CEP70: variants seen among roughly 807,000 people sequenced by gnomAD.
CEP70 encodes the protein centrosomal protein 70.
Under a neutral mutation model 90.9 loss-of-function variants are expected in CEP70, and 70 were observed. The ratio of observed to expected loss-of-function variants is 0.77; its 90% CI spans 0.64 to 0.94. CEP70 has a LOEUF of 0.94. Among genes scored for constraint, CEP70 ranks in the 40% least tolerant of loss-of-function variants. The pLI, the probability that CEP70 is intolerant of heterozygous loss-of-function variation, is 0.00. For synonymous variants in CEP70, 220 were observed against 228.3 expected (o/e 0.96, Z 0.33); for missense variants, 648 against 669.0 (o/e 0.97, Z 0.35).
intron 12 of CEP70, among the ~76,000 whole-genome samples, chr3:138,506,417 T>C (rs146439170): frequency 6.6e-6 from 1 of 152,176 alleles, no homozygotes; most frequent in Non-Finnish European, 1.5e-5. Context: ...TATTTGACTA[T>C]AACCCTCTCC....
chr3:138,543,546 A>G (rs528944297), intron 6 of CEP70, among the ~76,000 whole-genome samples: 1 of 152,342 alleles, frequency 6.6e-6, no homozygotes, highest in East Asian at 1.9e-4. Context: ...CCAAGTCCCA[A>G]GCTGTGGCTG....
In CEP70 at chr3:138,525,019, G is replaced by A. The variant is rs1000384523; in HGVS notation, c.944+471C>T. Among the ~76,000 whole-genome samples, 134 of 152,210 alleles carry A rather than the reference G, an allele frequency of 8.8e-4. 1 individual carries two copies. Among genetic ancestry groups the A allele is most frequent in the African/African-American group, 3.1e-3 (129 of 41,538 alleles). ...GCAAAGACTTAGAACCAACCCAAAT[G>A]TCCAACAATGATAGACTGGATTAAG... On this transcript the variant is annotated intron_variant, in intron 11 of 17. Coordinates refer to ENST00000264982, the MANE Select transcript of CEP70 (RefSeq NM_024491.4).
At chr3:138,509,777 C>T (rs1397973320) in intron 11 of CEP70, among the ~76,000 whole-genome samples, 2 of 152,026 alleles carry the variant, frequency 1.3e-5, no homozygotes, top group Non-Finnish European at 2.9e-5. Context: ...TGTGATTCAT[C>T]CCTTTGTCCA....
chr3:138,547,925 TTGAC>T (rs1186761439), intron 6 of CEP70, among the ~76,000 whole-genome samples: 1 of 152,166 alleles, frequency 6.6e-6, no homozygotes, highest in African/African-American at 2.4e-5. Context: ...TGAACTGCAA[TTGAC>T]TGACCACAGG....
At chr3:138,548,633 A>T (rs568748782) in intron 6 of CEP70, among the ~76,000 whole-genome samples, 9 of 152,356 alleles carry the variant, frequency 5.9e-5, no homozygotes, top group Admixed American at 5.2e-4. Flanking sequence ...ATAAGGAAAC[A>T]AGACACCATG....
At chr3:138,550,351 T>C (rs982816268) in intron 6 of CEP70, among the ~76,000 whole-genome samples, 3 of 152,148 alleles carry the variant, frequency 2.0e-5, no homozygotes, top group Admixed American at 6.6e-5. Context: ...AGTGAAAAGA[T>C]TGCATACATT....
rs200041935 is a variant in CEP70 at position 138,497,928 on chromosome 3, C to G, written c.1732+103G>C. 573 of 1,532,212 alleles carry G rather than the reference C, an allele frequency of 3.7e-4. 5 individuals are homozygous for G. The East Asian group carries it at 0.011, about 30-fold the overall frequency. The allele number at this position is 1,532,212 out of a possible 1,614,324, so 94.9% of individuals were successfully genotyped here. ...TTCCAGAACTGTTAGTGGTTTCCAA[C>G]CACTAGGTAAAAATACTAATCCAGT... On this transcript the variant is annotated intron_variant, in intron 17 of 17. Transcript: ENST00000264982.
intron 1 of CEP70, among the ~76,000 whole-genome samples, chr3:138,593,233 A>G (rs890786391): frequency 6.6e-6 from 1 of 152,016 alleles, no homozygotes; most frequent in Admixed American, 6.6e-5. Context: ...TATTATACAT[A>G]TATTTTTGAG....
chr3:138,545,830 T>A (rs1434167280), intron 6 of CEP70, among the ~76,000 whole-genome samples: 1 of 152,206 alleles, frequency 6.6e-6, no homozygotes, highest in Non-Finnish European at 1.5e-5. Context: ...TCAGGCTTAC[T>A]AGGATTGGGA....
Position 138,554,918 on chromosome 3 carries a change from T to C in CEP70, c.465+15400A>G, listed in dbSNP as rs1021787503. Among the ~76,000 whole-genome samples the C allele has an allele frequency of 5.3e-5, 8 of 152,110 alleles. No homozygotes were observed. The East Asian group carries it at 1.5e-3, about 29-fold the overall frequency. ...GTGCTGGGATAATTGGCACGCCACA[T>C]GTAGAAGAATGAAACTTGATCCTCA... On this transcript the variant is annotated intron_variant, in intron 6 of 17. Coordinates refer to ENST00000264982, the MANE Select transcript of CEP70 (RefSeq NM_024491.4).
intron 10 of CEP70, among the ~76,000 whole-genome samples, chr3:138,526,610 T>C (rs1673010614): frequency 6.6e-6 from 1 of 152,220 alleles, no homozygotes; most frequent in Non-Finnish European, 1.5e-5. Flanking sequence ...ACTGTCAACA[T>C]AGAGAGTGTC....
At chr3:138,533,758 A>G (rs766045256) in intron 7 of CEP70, among the ~76,000 whole-genome samples, 2 of 151,878 alleles carry the variant, frequency 1.3e-5, no homozygotes, top group African/African-American at 2.4e-5. Flanking sequence ...ACACTTTCAT[A>G]TTGTTTGAAT....
At chr3:138,533,284 A>AG (rs2037982764) in intron 7 of CEP70, among the ~76,000 whole-genome samples, 3 of 151,880 alleles carry the variant, frequency 2.0e-5, no homozygotes, top group African/African-American at 7.2e-5. Context: ...CATCTCAAAA[A>AG]GAAAAAAAAA....
At chr3:138,574,079 G>A (rs556976071) in intron 2 of CEP70, among the ~76,000 whole-genome samples, 34 of 152,238 alleles carry the variant, frequency 2.2e-4, no homozygotes, top group East Asian at 3.9e-4. Context: ...GGTTCATCTC[G>A]TTGGGACTGG....
chr3:138,538,817 A>G (rs964963285), intron 6 of CEP70, among the ~76,000 whole-genome samples: 2 of 152,100 alleles, frequency 1.3e-5, no homozygotes, highest in Non-Finnish European at 2.9e-5. Flanking sequence ...CACATCTACT[A>G]AAGTTTTTTA....
At chr3:138,580,290 C>G (rs1303488641) in intron 2 of CEP70, among the ~76,000 whole-genome samples, 2 of 152,056 alleles carry the variant, frequency 1.3e-5, no homozygotes, top group East Asian at 3.9e-4. Flanking sequence ...GCCTGTGTCA[C>G]CCCTCCCCCA....
chr3:138,562,116 T>C (rs1166291574), intron 6 of CEP70, among the ~76,000 whole-genome samples: 3 of 148,408 alleles, frequency 2.0e-5, no homozygotes, highest in Non-Finnish European at 3.0e-5. Context: ...AGATTGAAGA[T>C]CAACTTAATG....
At chr3:138,520,527 A>G (rs964354784) in intron 11 of CEP70, among the ~76,000 whole-genome samples, 1 of 152,088 alleles carries the variant, frequency 6.6e-6, no homozygotes, top group African/African-American at 2.4e-5. Flanking sequence ...GGATTAAGAA[A>G]CTCACTCAAA....
intron 13 of CEP70, among the ~76,000 whole-genome samples, chr3:138,502,879 G>C (rs1473048960): frequency 1.3e-5 from 2 of 152,086 alleles, no homozygotes; most frequent in Non-Finnish European, 2.9e-5. Flanking sequence ...GAATAGCAAA[G>C]CAAAAGTATT....
Sources: gnomAD v4.1 joint callset for allele counts (sites outside exome capture counted in the v4.1 genomes callset) on GRCh38, gnomAD v4.1.1 for gene constraint, MANE v1.5 for transcripts, NCBI Gene and HGNC (gene_info 2026-07-23, HGNC 2026-07-21) for gene names.